CTIF: variants seen among roughly 807,000 people sequenced by gnomAD.
CTIF encodes the protein CBP80/20-dependent translation initiation factor.
CTIF carries 21 observed loss-of-function variants against 66.0 expected under a neutral mutation model. That is an observed-to-expected ratio of 0.32 (90% confidence interval 0.23 to 0.46). The LOEUF (loss-of-function observed/expected upper bound fraction) is 0.46. Ranked by LOEUF, CTIF falls within the 20% of genes least tolerant of loss-of-function variation. The pLI, the probability that CTIF is intolerant of heterozygous loss-of-function variation, is 1.00. For synonymous variants in CTIF, 345 were observed against 326.4 expected, an observed-to-expected ratio of 1.06 and a Z score of -0.62; for missense variants, 739 against 812.7, an observed-to-expected ratio of 0.91 and a Z score of 1.10.
intron 7 of CTIF, among the ~76,000 whole-genome samples, chr18:48,714,723 T>A (rs1490894818): frequency 6.6e-6 from 1 of 152,232 alleles, no homozygotes; most frequent in African/African-American, 2.4e-5. Flanking sequence ...AGCTGAATTA[T>A]ATAGCAGTTT....
chr18:48,557,637 C>T (rs940162053), intron 1 of CTIF, among the ~76,000 whole-genome samples: 3 of 152,224 alleles, frequency 2.0e-5, no homozygotes, highest in Admixed American at 6.5e-5. Flanking sequence ...TGTATTAGTC[C>T]GTACAGGCTG....
intron 3 of CTIF, among the ~76,000 whole-genome samples, chr18:48,650,196 T>G (rs982660469): frequency 6.6e-6 from 1 of 152,226 alleles, no homozygotes; most frequent in Admixed American, 6.5e-5. Context: ...TAAAGGAGGA[T>G]GTTTGAACCC....
chr18:48,807,086 T>A (rs1242844301), intron 9 of CTIF, among the ~76,000 whole-genome samples: 1 of 152,190 alleles, frequency 6.6e-6, no homozygotes, highest in Non-Finnish European at 1.5e-5. Flanking sequence ...TTGTTTCGGT[T>A]GGCAGAAAGG....
At chr18:48,559,140 C>A (rs1441122873) in intron 1 of CTIF, among the ~76,000 whole-genome samples, 1 of 152,044 alleles carries the variant, frequency 6.6e-6, no homozygotes, top group Non-Finnish European at 1.5e-5. Flanking sequence ...TAACTATCAT[C>A]TTTTATCTAG....
intron 10 of CTIF, among the ~76,000 whole-genome samples, chr18:48,820,398 C>T (rs1467465038): frequency 6.6e-6 from 1 of 152,190 alleles, no homozygotes; most frequent in Non-Finnish European, 1.5e-5. Context: ...CTGCAGCCCC[C>T]TCCATGCTGG....
intron 9 of CTIF, among the ~76,000 whole-genome samples, chr18:48,814,043 G>A (rs559447161): frequency 4.6e-5 from 7 of 152,330 alleles, no homozygotes; most frequent in Middle Eastern, 3.4e-3. Context: ...GGTCCCCTGG[G>A]CAACCAGAAT....
intron 9 of CTIF, among the ~76,000 whole-genome samples, chr18:48,789,385 A>T (rs1356238196): frequency 6.6e-6 from 1 of 152,204 alleles, no homozygotes; most frequent in Admixed American, 6.5e-5. Context: ...ATTAAATGAG[A>T]TAATGTAGTA....
At position 48,636,682 on chromosome 18, in the gene CTIF, G is replaced by A. The variant is rs1555660177; in HGVS notation, c.249G>A (p.Gln83=). The change falls in exon 3 of 12, where the codon CAG becomes CAA. Residue 83 remains glutamine (Q), a synonymous_variant. Coordinates refer to ENST00000256413, the MANE Select transcript of CTIF (RefSeq NM_014772.3). ...CSFSRGRAPP[Q]QNGSKDNSLD... The stretch of plus-strand genomic sequence containing the variant: ...TCTCCCGAGGGCGAGCCCCCCCACA[G>A]CAGGTAGGGAACCAGCTCTGCGCTC... 7.5e-6 allele frequency: 12 copies of A among 1,596,142 alleles called. No homozygotes were observed. In the South Asian group the frequency reaches 1.3e-4, roughly 17 times the overall value.
At chr18:48,832,757 GC>G (rs1313709902) in intron 10 of CTIF, among the ~76,000 whole-genome samples, 1 of 152,202 alleles carries the variant, frequency 6.6e-6, no homozygotes, top group Non-Finnish European at 1.5e-5. Flanking sequence ...AGGGTTAAAA[GC>G]CAGACTTAGG....
At chr18:48,723,869 C>T (rs1015385996) in intron 7 of CTIF, among the ~76,000 whole-genome samples, 1 of 152,164 alleles carries the variant, frequency 6.6e-6, no homozygotes, top group African/African-American at 2.4e-5. Context: ...GCCTCTATTA[C>T]AGTTTGGAAT....
intron 3 of CTIF, among the ~76,000 whole-genome samples, chr18:48,653,887 A>G (rs1568107270): frequency 1.3e-5 from 2 of 152,214 alleles, no homozygotes; most frequent in East Asian, 1.9e-4. Context: ...AGGATTCCCT[A>G]TTTAATAAAT....
At chr18:48,809,396 T>C in intron 9 of CTIF, among the ~76,000 whole-genome samples, 1 of 152,170 alleles carries the variant, frequency 6.6e-6, no homozygotes, top group East Asian at 1.9e-4. Context: ...ACATTACATT[T>C]ATAGATTTCC....
chr18:48,613,374 C>T (rs985943882), intron 1 of CTIF, among the ~76,000 whole-genome samples: 3 of 152,100 alleles, frequency 2.0e-5, no homozygotes, highest in African/African-American at 4.8e-5. Flanking sequence ...GGCTGCCCCA[C>T]GGTGTTCACA....
intron 1 of CTIF, among the ~76,000 whole-genome samples, chr18:48,548,510 G>T (rs2088808356): frequency 6.6e-6 from 1 of 152,204 alleles, no homozygotes; most frequent in South Asian, 2.1e-4. Flanking sequence ...CCATCTCCTT[G>T]ATGCTTGGCA....
At chr18:48,839,106 T>C (rs149630104) in intron 10 of CTIF, among the ~76,000 whole-genome samples, 3 of 152,288 alleles carry the variant, frequency 2.0e-5, no homozygotes, top group Non-Finnish European at 4.4e-5. Context: ...TTTTCTTGAA[T>C]CTGGCCACCA....
At chr18:48,856,388 C>A (rs1242046612) in intron 10 of CTIF, among the ~76,000 whole-genome samples, 1 of 152,122 alleles carries the variant, frequency 6.6e-6, no homozygotes, top group African/African-American at 2.4e-5. Context: ...TACCACATGA[C>A]CCAGAAATTC....
chr18:48,586,445 A>G (rs927065869), intron 1 of CTIF, among the ~76,000 whole-genome samples: 5 of 152,050 alleles, frequency 3.3e-5, no homozygotes, highest in Admixed American at 3.3e-4. Flanking sequence ...TAATTTTCAT[A>G]TCTTTAGTAG....
At chr18:48,730,352 TGCTGTGTGAGGGGCCC>T (rs2092433358) in intron 7 of CTIF, among the ~76,000 whole-genome samples, 1 of 83,178 alleles carries the variant, frequency 1.2e-5, no homozygotes, top group African/African-American at 3.5e-5. Flanking sequence ...GAGGGGCTCC[TGCTGTGTGAGGGGCCC>T]CTGCGGTGTG....
chr18:48,840,788 C>A (rs972966064), intron 10 of CTIF, among the ~76,000 whole-genome samples: 12 of 152,120 alleles, frequency 7.9e-5, no homozygotes, highest in Non-Finnish European at 1.6e-4. Flanking sequence ...TCTGCCCAAA[C>A]CCACTGCAGA....
Sources: allele counts gnomAD v4.1 joint callset (sites outside exome capture counted in the v4.1 genomes callset), GRCh38; gene constraint gnomAD v4.1.1; transcripts MANE v1.5; gene names NCBI Gene and HGNC (gene_info 2026-07-23, HGNC 2026-07-21).